The following MYO18B variants were observed in gnomAD, a reference collection of about 807,000 sequenced individuals.
MYO18B encodes unconventional myosin-XVIIIb.
In MYO18B, 204 loss-of-function variants were observed where a neutral mutation model predicts 273.0. The observed-to-expected ratio is 0.75, with a 90% CI of 0.67 to 0.84. MYO18B has a LOEUF of 0.84. Ranked by LOEUF, MYO18B falls within the 40% of genes least tolerant of loss-of-function variation. The pLI is 0.00. For synonymous variants in MYO18B, 1,330 were observed against 1,305.7 expected, an observed-to-expected ratio of 1.02 and a Z score of -0.40; for missense variants, 3,212 against 3,287.6, an observed-to-expected ratio of 0.98 and a Z score of 0.56.
At chr22:25,911,123 G>T in intron 33 of MYO18B, 73 bp downstream of exon 33, 1 of 1,118,426 alleles carries the variant, frequency 8.9e-7, no homozygotes, top group Non-Finnish European at 1.3e-6. Flanking sequence ...CTCATGGAGA[G>T]AACAGCCTGA....
intron 11 of MYO18B, among the ~76,000 whole-genome samples, chr22:25,790,800 C>T (rs1158595593): frequency 2.0e-4 from 30 of 152,138 alleles, no homozygotes; most frequent in Non-Finnish European, 1.5e-5. Context: ...CCTTTGGACC[C>T]ACTCCTTGGG....
chr22:25,916,708 G>A (rs2092265864), intron 33 of MYO18B, among the ~76,000 whole-genome samples: 1 of 152,116 alleles, frequency 6.6e-6, no homozygotes, highest in South Asian at 2.1e-4. Flanking sequence ...AGATCTCTTT[G>A]TTGCTCTAGT....
chr22:25,780,323 G>A, intron 9 of MYO18B, 125 bp downstream of exon 9: 1 of 1,208,874 alleles, frequency 8.3e-7, no homozygotes, highest in Non-Finnish European at 1.1e-6. Flanking sequence ...CATGGCGGTG[G>A]CTCAGGCCTG....
At chr22:25,839,675 T>C (rs774836568) in intron 17 of MYO18B, among the ~76,000 whole-genome samples, 7 of 152,172 alleles carry the variant, frequency 4.6e-5, no homozygotes, top group Non-Finnish European at 8.8e-5. Context: ...CTTGTGACTT[T>C]CCGGGCTGTC....
chr22:26,023,284 T>C (rs998361442), intron 42 of MYO18B, among the ~76,000 whole-genome samples: 5 of 152,200 alleles, frequency 3.3e-5, no homozygotes, highest in Admixed American at 1.3e-4. Flanking sequence ...TACCTCTTCT[T>C]TCTCATCTAC....
At chr22:25,763,466 T>A (rs2086401294) in intron 3 of MYO18B, 77 bp downstream of exon 3, 2 of 1,491,468 alleles carry the variant, frequency 1.3e-6, no homozygotes, top group Non-Finnish European at 1.8e-6. Context: ...CTCTGAGTCA[T>A]TTGTCATCCT....
At chr22:25,858,218 C>T (rs938944612) in intron 21 of MYO18B, among the ~76,000 whole-genome samples, 6 of 152,186 alleles carry the variant, frequency 3.9e-5, no homozygotes, top group Admixed American at 3.9e-4. Context: ...GTGTCTTCTT[C>T]CATATCTCTC....
rs1396633587 is a variant in MYO18B at position 25,843,898 on chromosome 22, AGTTGGGTCAGG to A, written c.3368+11_3368+21del. On this transcript the variant is annotated splice_donor_5th_base_variant and intron_variant, in intron 18 of 43. Transcript: ENST00000335473. ...AGGTCCTGCACCAGTCAAAAAGGTG[AGTTGGGTCAGG>A]GTTGGGGACGGGGATGGAGCATTGG... The A allele has an allele frequency of 6.3e-7, 1 of 1,598,566 alleles. No homozygotes were observed. The highest frequency in any genetic ancestry group is 1.7e-5 in the Admixed American group (1 of 59,708).
chr22:25,793,397 G>A (rs1055800777), intron 11 of MYO18B, among the ~76,000 whole-genome samples: 4 of 152,080 alleles, frequency 2.6e-5, no homozygotes, highest in Non-Finnish European at 4.4e-5. Context: ...ACCATGCCTG[G>A]ATAATTTTTA....
chr22:25,915,862 C>G (rs1292010212), intron 33 of MYO18B, among the ~76,000 whole-genome samples: 2 of 152,056 alleles, frequency 1.3e-5, no homozygotes, highest in Non-Finnish European at 2.9e-5. Flanking sequence ...ATTTTTTTCT[C>G]TTAGACTGTC....
rs146405301 is a variant in MYO18B, at chr22:25,804,125, C to T, written c.2521+6028C>T. ...GCTACAACCATGCCCAGAAACTCACCGTGGTAAATCCACTTTCTCTGCAGC... is the reference window on the plus strand; with the variant it reads ...GCTACAACCATGCCCAGAAACTCACTGTGGTAAATCCACTTTCTCTGCAGC... On this transcript the variant is annotated intron_variant, in intron 12 of 43. Coordinates refer to ENST00000335473, the MANE Select transcript of MYO18B (RefSeq NM_032608.7). Among the ~76,000 whole-genome samples the T allele has an allele frequency of 4.6e-4, 70 of 152,270 alleles. No individual in the cohort carries two copies. The East Asian group carries it at 9.6e-3, about 21-fold the overall frequency.
In MYO18B at chr22:25,772,382, A is replaced by C. The variant is rs1568996542; in HGVS notation, c.1741A>C (p.Ser581Arg). The change falls in exon 7 of 44, where the codon AGT becomes CGT. Residue 581 changes from serine to arginine, a missense_variant. Transcript: ENST00000335473. Reference sequence around the variant, plus strand: ...GGTCGAGGACCTGGCCTCTCTCATCAGTGTCAACGAATCCAGTGTCCTGAA... The same window carrying C: ...GGTCGAGGACCTGGCCTCTCTCATCCGTGTCAACGAATCCAGTGTCCTGAA... The part of the protein sequence containing the change: ...DQVEDLASLI[S>R]VNESSVLNTL... 2 of 1,613,964 alleles carry C rather than the reference A, an allele frequency of 1.2e-6. No homozygotes were observed. The highest frequency in any genetic ancestry group is 1.7e-6 in the Non-Finnish European group (2 of 1,179,874).
intron 34 of MYO18B, among the ~76,000 whole-genome samples, chr22:25,923,066 G>A (rs2092371797): frequency 6.6e-6 from 1 of 152,154 alleles, no homozygotes; most frequent in Admixed American, 6.5e-5. Flanking sequence ...TTATGACCCT[G>A]ACAGTTTTGA....
At chr22:25,904,038 C>G (rs558666495) in intron 31 of MYO18B, among the ~76,000 whole-genome samples, 13 of 152,312 alleles carry the variant, frequency 8.5e-5, no homozygotes, top group African/African-American at 2.9e-4. Flanking sequence ...GTCACCTCCT[C>G]AGAGAAGCCT....
intron 11 of MYO18B, among the ~76,000 whole-genome samples, chr22:25,792,575 A>G (rs1003856125): frequency 1.4e-5 from 2 of 138,564 alleles, no homozygotes; most frequent in Non-Finnish European, 3.0e-5. Flanking sequence ...GCTCACTGCA[A>G]CCTCCACCTC....
chr22:25,812,127 A>T (rs2088789523), intron 12 of MYO18B, among the ~76,000 whole-genome samples: 1 of 152,178 alleles, frequency 6.6e-6, no homozygotes, highest in South Asian at 2.1e-4. Context: ...TGGGGGTCCA[A>T]GGAAGGCTTG....
intron 18 of MYO18B, among the ~76,000 whole-genome samples, chr22:25,844,267 A>G (rs6004793): frequency 0.24 from 36,211 of 152,228 alleles, 5,066 homozygotes; most frequent in Admixed American, 0.32. Context: ...GTAGCGTTAA[A>G]AAAAAGCTCA....
chr22:25,992,022 T>C (rs1301543830), intron 39 of MYO18B, among the ~76,000 whole-genome samples: 1 of 152,212 alleles, frequency 6.6e-6, no homozygotes, highest in Non-Finnish European at 1.5e-5. Flanking sequence ...TTACGTTTAC[T>C]CCTCCATCCA....
At chr22:26,057,523 A>AT in the MYO18B span, among the ~76,000 whole-genome samples, 2 of 136,394 alleles carry the variant, frequency 1.5e-5, no homozygotes, top group African/African-American at 3.0e-5. Context: ...CTGCAAAGTC[A>AT]CTTTTTTTTT....
Sources: allele counts gnomAD v4.1 joint callset (sites outside exome capture counted in the v4.1 genomes callset), GRCh38; gene constraint gnomAD v4.1.1; transcripts MANE v1.5; gene names NCBI Gene and HGNC (gene_info 2026-07-23, HGNC 2026-07-21).